GABRB1: variants seen among roughly 807,000 people sequenced by gnomAD.
GABRB1 encodes the protein gamma-aminobutyric acid type A receptor subunit beta1, also known as gamma-aminobutyric acid receptor subunit beta-1.
GABRB1 carries 17 observed loss-of-function variants against 51.6 expected under a neutral mutation model. That is an observed-to-expected ratio of 0.33 (90% confidence interval 0.23 to 0.49). The LOEUF (loss-of-function observed/expected upper bound fraction) is 0.49, where lower values mean the gene tolerates loss of function less well. Among genes scored for constraint, GABRB1 ranks in the 20% least tolerant of loss-of-function variants. The pLI, the probability that GABRB1 is intolerant of heterozygous loss-of-function variation, is 0.99. For synonymous variants in GABRB1, 247 were observed against 218.9 expected (o/e 1.13, Z -1.14); for missense variants, 410 against 600.6 (o/e 0.68, Z 3.32).
intron 4 of GABRB1, among the ~76,000 whole-genome samples, chr4:47,262,127 G>A (rs1426344100): frequency 2.6e-5 from 4 of 151,238 alleles, no homozygotes; most frequent in Non-Finnish European, 2.9e-5. Flanking sequence ...CAGGACATAG[G>A]CATGGGCAAG....
chr4:47,380,778 G>C (rs561517174), intron 5 of GABRB1, among the ~76,000 whole-genome samples: 1 of 152,134 alleles, frequency 6.6e-6, no homozygotes, highest in African/African-American at 2.4e-5. Flanking sequence ...TTGGGAATGA[G>C]GCACTGGACT....
At chr4:47,173,329 T>C (rs1718523675) in intron 4 of GABRB1, among the ~76,000 whole-genome samples, 2 of 152,170 alleles carry the variant, frequency 1.3e-5, no homozygotes, top group Non-Finnish European at 2.9e-5. Flanking sequence ...TCACCGTATA[T>C]ATGTTATTTA....
At chr4:47,260,035 A>T (rs1017880584) in intron 4 of GABRB1, among the ~76,000 whole-genome samples, 1 of 152,118 alleles carries the variant, frequency 6.6e-6, no homozygotes, top group Non-Finnish European at 1.5e-5. Flanking sequence ...CATATTTAGG[A>T]TAGTTAGCTC....
At chr4:47,047,459 A>G (rs958706418) in intron 3 of GABRB1, among the ~76,000 whole-genome samples, 3 of 152,156 alleles carry the variant, frequency 2.0e-5, no homozygotes, top group Non-Finnish European at 4.4e-5. Context: ...TAACTTGCCC[A>G]AAGTTATATA....
chr4:47,368,529 T>A (rs935690676), intron 5 of GABRB1, among the ~76,000 whole-genome samples: 1 of 152,092 alleles, frequency 6.6e-6, no homozygotes, highest in African/African-American at 2.4e-5. Context: ...AATAATTATC[T>A]AGTACAAAAT....
intron 3 of GABRB1, among the ~76,000 whole-genome samples, chr4:47,050,872 C>T (rs1726319817): frequency 6.6e-6 from 1 of 151,862 alleles, no homozygotes; most frequent in Admixed American, 6.6e-5. Context: ...CATATGGTTC[C>T]TTAATTGACT....
chr4:47,261,709 A>G (rs1037066359), intron 4 of GABRB1, among the ~76,000 whole-genome samples: 1 of 152,200 alleles, frequency 6.6e-6, no homozygotes, highest in South Asian at 2.1e-4. Flanking sequence ...GTTCATATGG[A>G]ACCAAAAAAG....
At chr4:47,408,325 G>T (rs547187520) in intron 8 of GABRB1, among the ~76,000 whole-genome samples, 3 of 152,138 alleles carry the variant, frequency 2.0e-5, no homozygotes, top group Admixed American at 6.5e-5. Flanking sequence ...AGAGAAGACC[G>T]GTAGAGCAAG....
At chr4:47,004,974 G>C (rs1010894156) in intron 1 of GABRB1, among the ~76,000 whole-genome samples, 40 of 152,280 alleles carry the variant, frequency 2.6e-4, no homozygotes, top group Non-Finnish European at 5.0e-4. Context: ...TGAATTCTGA[G>C]AGGCTAAGGA....
intron 3 of GABRB1, among the ~76,000 whole-genome samples, chr4:47,086,879 A>G (rs1013001403): frequency 1.3e-5 from 2 of 152,180 alleles, no homozygotes; most frequent in African/African-American, 4.8e-5. Context: ...TGATACCTCC[A>G]TGGGAGTGGT....
intron 5 of GABRB1, among the ~76,000 whole-genome samples, chr4:47,401,834 ATCTATCATCTATCTATC>A (rs1205117300): frequency 2.8e-5 from 1 of 36,308 alleles, no homozygotes; most frequent in African/African-American, 2.9e-4. Flanking sequence ...CTATCTATCT[ATCTATCATCTATCTATC>A]TATCTATCTA....
chr4:47,087,870 G>C (rs1043078902), intron 3 of GABRB1, among the ~76,000 whole-genome samples: 1 of 152,144 alleles, frequency 6.6e-6, no homozygotes, highest in Non-Finnish European at 1.5e-5. Flanking sequence ...AAAGCATCCA[G>C]CACATTAGAT....
intron 4 of GABRB1, among the ~76,000 whole-genome samples, chr4:47,262,549 T>G (rs1722481923): frequency 6.6e-6 from 1 of 152,074 alleles, no homozygotes; most frequent in Non-Finnish European, 1.5e-5. Context: ...AAACAACAGG[T>G]GCTGGAGAGG....
At chr4:47,001,346 G>A (rs758878332) in intron 1 of GABRB1, among the ~76,000 whole-genome samples, 1 of 152,090 alleles carries the variant, frequency 6.6e-6, no homozygotes, top group African/African-American at 2.4e-5. Flanking sequence ...GTTTCACCGT[G>A]TTAGCCAGGA....
intron 4 of GABRB1, among the ~76,000 whole-genome samples, chr4:47,214,456 A>G (rs1441442310): frequency 6.6e-6 from 1 of 152,054 alleles, no homozygotes; most frequent in Non-Finnish European, 1.5e-5. Context: ...CCTAGTCATG[A>G]TATAGGCATG....
intron 3 of GABRB1, among the ~76,000 whole-genome samples, chr4:47,039,449 A>G (rs1725738450): frequency 6.6e-6 from 1 of 151,658 alleles, no homozygotes; most frequent in East Asian, 1.9e-4. Context: ...AACAATTTAA[A>G]GTTTCCAATC....
chr4:47,224,346 G>C (rs1720873559), intron 4 of GABRB1, among the ~76,000 whole-genome samples: 1 of 151,932 alleles, frequency 6.6e-6, no homozygotes, highest in Non-Finnish European at 1.5e-5. Flanking sequence ...CAGTAAAGAA[G>C]ACTTTATTCA....
intron 4 of GABRB1, among the ~76,000 whole-genome samples, chr4:47,214,860 TTTC>T (rs1430844557): frequency 6.6e-6 from 1 of 152,176 alleles, no homozygotes; most frequent in East Asian, 1.9e-4. Flanking sequence ...TCTGTCTTCA[TTTC>T]TTCTTCTTCA....
At chr4:47,284,636 C>T (rs750661762) in intron 4 of GABRB1, among the ~76,000 whole-genome samples, 16 of 152,040 alleles carry the variant, frequency 1.1e-4, no homozygotes, top group Non-Finnish European at 1.5e-4. Flanking sequence ...CGTAAGTAAT[C>T]CTAAAGTGGC....
Sources: allele counts gnomAD v4.1 joint callset (sites outside exome capture counted in the v4.1 genomes callset), GRCh38; gene constraint gnomAD v4.1.1; transcripts MANE v1.5; gene names NCBI Gene and HGNC (gene_info 2026-07-23, HGNC 2026-07-21).